The following PAPPA2 variants were observed in gnomAD, a reference collection of about 807,000 sequenced individuals.
The protein encoded by PAPPA2 is pappalysin 2, also known as pappalysin-2.
In PAPPA2, 86 loss-of-function variants were observed where a neutral mutation model predicts 176.4. That is an observed-to-expected ratio of 0.49 (90% CI 0.41 to 0.58). The LOEUF (loss-of-function observed/expected upper bound fraction) is 0.58. Among genes scored for constraint, PAPPA2 ranks in the 20% least tolerant of loss-of-function variants. The probability of loss-of-function intolerance (pLI) is 0.00; values close to 1 mark genes in which losing one functional copy is unlikely to be tolerated. For synonymous variants in PAPPA2, 809 were observed against 852.2 expected (o/e 0.95, Z 0.88); for missense variants, 2,073 against 2,256.9 (o/e 0.92, Z 1.65).
intron 8 of PAPPA2, 67 bp downstream of exon 8, chr1:176,699,656 CA>C (rs1660557085): frequency 5.3e-6 from 8 of 1,519,192 alleles, no homozygotes; most frequent in Non-Finnish European, 7.1e-6. Context: ...ACTTTTCCCC[CA>C]CTTTTTAATA....
chr1:176,817,419 A>T (rs1256826754), intron 21 of PAPPA2, among the ~76,000 whole-genome samples: 1 of 152,142 alleles, frequency 6.6e-6, no homozygotes, highest in Non-Finnish European at 1.5e-5. Context: ...TTCTGAAGGC[A>T]TTGAGAAGCC....
chr1:176,779,478 A>T (rs1018468799), intron 17 of PAPPA2, among the ~76,000 whole-genome samples: 7 of 84,610 alleles, frequency 8.3e-5, no homozygotes, highest in Non-Finnish European at 1.3e-4. Context: ...CATACTCATC[A>T]CACACACACA....
intron 1 of PAPPA2, among the ~76,000 whole-genome samples, chr1:176,484,806 A>C (rs1652574792): frequency 6.6e-6 from 1 of 152,198 alleles, no homozygotes; most frequent in African/African-American, 2.4e-5. Context: ...AATTGTATTA[A>C]ATTCCCAGTC....
At chr1:176,803,959 A>G (rs1436753033) in intron 21 of PAPPA2, among the ~76,000 whole-genome samples, 1 of 152,116 alleles carries the variant, frequency 6.6e-6, no homozygotes, top group Admixed American at 6.6e-5. Flanking sequence ...AGGATTGAAT[A>G]TTTGTCCCAC....
Position 176,695,741 on chromosome 1 carries a change from C to T in PAPPA2, c.2628C>T (p.Ala876=), listed in dbSNP as rs767986716. The T allele has an allele frequency of 3.1e-6, 5 of 1,613,948 alleles. No homozygotes were observed. The highest frequency in any genetic ancestry group is 4.5e-5 in the East Asian group (2 of 44,872). Residue 876 remains alanine (A), a synonymous_variant, in exon 7 of 23, where the codon GCC becomes GCT. Coordinates refer to ENST00000367662, the MANE Select transcript of PAPPA2 (RefSeq NM_020318.3). ...PPISGVVYDR[A]SGSLCGACTE... Reference sequence around the variant, plus strand: ...CTCCATCCCTTTATCTCCCCAGGGCCTCAGGCAGCTTGTGTGGCGCTTGCA... The same window carrying T: ...CTCCATCCCTTTATCTCCCCAGGGCTTCAGGCAGCTTGTGTGGCGCTTGCA...
At position 176,761,677 on chromosome 1, in the gene PAPPA2, G is replaced by A. The variant is rs559519727; in HGVS notation, c.4152-3989G>A. 3.3e-5 allele frequency among the ~76,000 whole-genome samples: 5 copies of A among 152,184 alleles called. No individual in the cohort carries two copies. The South Asian group carries it at 8.3e-4, about 25-fold the overall frequency. On this transcript the variant is annotated intron_variant, in intron 14 of 22. Transcript: ENST00000367662. Reference sequence around the variant, plus strand: ...AGCAACAGGAAAGCAACCTCATCCCGTGGGAGATGGCCCGGTGGTCTAGGC... The same window carrying A: ...AGCAACAGGAAAGCAACCTCATCCCATGGGAGATGGCCCGGTGGTCTAGGC...
At chr1:176,840,400 A>G (rs1571406478) in intron 22 of PAPPA2, 129 bp downstream of exon 22, 1 of 717,844 alleles carries the variant, frequency 1.4e-6, no homozygotes, top group East Asian at 2.7e-5. Context: ...ATTATAATGA[A>G]CAAACATTGG....
At chr1:176,802,846 T>G (rs1665741638) in intron 21 of PAPPA2, among the ~76,000 whole-genome samples, 1 of 152,192 alleles carries the variant, frequency 6.6e-6, no homozygotes, top group Non-Finnish European at 1.5e-5. Context: ...CTTTCAATTA[T>G]CCACTATTCT....
At chr1:176,826,865 C>T (rs188872907) in intron 21 of PAPPA2, among the ~76,000 whole-genome samples, 122 of 152,286 alleles carry the variant, frequency 8.0e-4, no homozygotes, top group African/African-American at 2.7e-3. Context: ...ATTTGTAGAG[C>T]TTCTCACTGT....
chr1:176,584,266 G>A (rs1653157852), intron 2 of PAPPA2, among the ~76,000 whole-genome samples: 1 of 152,114 alleles, frequency 6.6e-6, no homozygotes, highest in African/African-American at 2.4e-5. Context: ...GGGTATTGGG[G>A]TCTAGCTCTA....
intron 4 of PAPPA2, among the ~76,000 whole-genome samples, chr1:176,676,608 G>A (rs568449197): frequency 6.6e-6 from 1 of 152,222 alleles, no homozygotes; most frequent in Admixed American, 6.6e-5. Flanking sequence ...GTTGAGAAAA[G>A]TATAGATGTA....
chr1:176,628,048 G>A (rs1439144689), intron 3 of PAPPA2, among the ~76,000 whole-genome samples: 3 of 152,156 alleles, frequency 2.0e-5, no homozygotes, highest in Non-Finnish European at 2.9e-5. Flanking sequence ...CTGCAGAAGG[G>A]CCACTCGAGA....
chr1:176,544,887 A>G (rs1650548613), intron 1 of PAPPA2, among the ~76,000 whole-genome samples: 2 of 152,202 alleles, frequency 1.3e-5, no homozygotes, highest in Admixed American at 6.5e-5. Context: ...CTGAAAAAGT[A>G]TACAACTCAG....
intron 1 of PAPPA2, among the ~76,000 whole-genome samples, chr1:176,488,231 C>T (rs1652733779): frequency 6.6e-6 from 1 of 151,696 alleles, no homozygotes; most frequent in South Asian, 2.1e-4. Flanking sequence ...CTGGTTGGGT[C>T]ATAAGTCATT....
chr1:176,658,354 G>T (rs999285979), intron 3 of PAPPA2, among the ~76,000 whole-genome samples: 1 of 151,910 alleles, frequency 6.6e-6, no homozygotes, highest in Non-Finnish European at 1.5e-5. Context: ...ATCTGTTCCA[G>T]ATACTATATA....
At chr1:176,471,569 G>A (rs545775651) in intron 1 of PAPPA2, among the ~76,000 whole-genome samples, 1 of 152,254 alleles carries the variant, frequency 6.6e-6, no homozygotes, top group South Asian at 2.1e-4. Flanking sequence ...AGCCCTCCAT[G>A]TATTTTGTCC....
intron 7 of PAPPA2, among the ~76,000 whole-genome samples, chr1:176,696,954 A>G (rs1238124677): frequency 6.6e-6 from 1 of 152,192 alleles, no homozygotes; most frequent in African/African-American, 2.4e-5. Flanking sequence ...TTTTCAAGTG[A>G]GAATTTTCAG....
chr1:176,612,532 C>T (rs1275983497), intron 3 of PAPPA2, among the ~76,000 whole-genome samples: 2 of 152,150 alleles, frequency 1.3e-5, no homozygotes, highest in Non-Finnish European at 2.9e-5. Context: ...TTCTGAGCTT[C>T]CCAGAATCAC....
intron 17 of PAPPA2, 114 bp from the exon 18 acceptor site, chr1:176,789,695 G>T: frequency 8.4e-7 from 1 of 1,184,086 alleles, no homozygotes. Flanking sequence ...TGGCTCACAA[G>T]AACCATCTGT....
Sources: gnomAD v4.1 joint callset for allele counts (sites outside exome capture counted in the v4.1 genomes callset) on GRCh38, gnomAD v4.1.1 for gene constraint, MANE v1.5 for transcripts, NCBI Gene and HGNC (gene_info 2026-07-23, HGNC 2026-07-21) for gene names.